The following ZMYM2 variants were observed in gnomAD, a reference collection of about 807,000 sequenced individuals.
ZMYM2 encodes the protein zinc finger MYM-type containing 2.
A neutral mutation model predicts 162.8 loss-of-function variants in ZMYM2; 56 were observed. The observed-to-expected ratio is 0.34, with a 90% CI of 0.28 to 0.43. ZMYM2 has a LOEUF of 0.43. Ranked by LOEUF, ZMYM2 falls within the 20% of genes least tolerant of loss-of-function variation. The probability of loss-of-function intolerance (pLI) is 1.00; values close to 1 mark genes in which losing one functional copy is unlikely to be tolerated. For synonymous variants in ZMYM2, 510 were observed against 541.6 expected, an observed-to-expected ratio of 0.94 and a Z score of 0.81; for missense variants, 1,275 against 1,621.8, an observed-to-expected ratio of 0.79 and a Z score of 3.67.
At chr13:20,004,915 CAT>C (rs1006153579) in intron 4 of ZMYM2, among the ~76,000 whole-genome samples, 157 bp from the exon 5 acceptor site, 26 of 152,232 alleles carry the variant, frequency 1.7e-4, no homozygotes, top group East Asian at 9.6e-4. Flanking sequence ...TATTTCCAAA[CAT>C]ATTTTATTAG....
intron 2 of ZMYM2, among the ~76,000 whole-genome samples, chr13:19,983,113 G>C (rs1030970261): frequency 6.7e-6 from 1 of 149,802 alleles, no homozygotes; most frequent in Non-Finnish European, 1.5e-5. Context: ...GTAAAGAATT[G>C]TATAATTTGT....
chr13:19,974,340 C>T (rs187990602), intron 2 of ZMYM2, among the ~76,000 whole-genome samples: 1 of 152,172 alleles, frequency 6.6e-6, no homozygotes, highest in East Asian at 1.9e-4. Flanking sequence ...GCATGTAAGT[C>T]CATTTAGAGT....
chr13:20,069,504 T>G (rs1956923014), intron 21 of ZMYM2, among the ~76,000 whole-genome samples: 2 of 152,000 alleles, frequency 1.3e-5, no homozygotes, highest in Non-Finnish European at 2.9e-5. Context: ...AACTTTTTAT[T>G]TTGTTGCTGA....
the ZMYM2 span, among the ~76,000 whole-genome samples, chr13:19,880,813 G>A: frequency 2.4e-4 from 37 of 152,222 alleles, no homozygotes; most frequent in Admixed American, 1.2e-3. Context: ...TTGACTTTTC[G>A]TCCGGCTTCT....
the ZMYM2 span, among the ~76,000 whole-genome samples, chr13:19,883,013 A>C: frequency 1.3e-5 from 2 of 152,216 alleles, no homozygotes; most frequent in African/African-American, 4.8e-5. Flanking sequence ...ATATCCATTA[A>C]TGGACGAAAG....
the ZMYM2 span, among the ~76,000 whole-genome samples, chr13:19,886,462 G>A: frequency 6.6e-6 from 1 of 151,454 alleles, no homozygotes; most frequent in African/African-American, 2.4e-5. Flanking sequence ...TGCGCCCAGC[G>A]AAAACGATTA....
chr13:19,910,757 AT>A, the ZMYM2 span, among the ~76,000 whole-genome samples: 1 of 152,154 alleles, frequency 6.6e-6, no homozygotes, highest in Non-Finnish European at 1.5e-5. Context: ...CTGCCACTAA[AT>A]TGGGAAACCT....
chr13:20,083,139 C>G, intron 23 of ZMYM2, 107 bp downstream of exon 23: 3 of 1,169,382 alleles, frequency 2.6e-6, no homozygotes, highest in Non-Finnish European at 2.4e-6. Flanking sequence ...CTCGGCTCAC[C>G]GCAACCTCTA....
intron 2 of ZMYM2, among the ~76,000 whole-genome samples, chr13:19,983,576 A>G (rs973930393): frequency 2.6e-5 from 4 of 152,006 alleles, no homozygotes; most frequent in African/African-American, 7.3e-5. Context: ...TGCTTTTAAT[A>G]ATTCTTTCTT....
chr13:19,898,311 C>A, the ZMYM2 span, among the ~76,000 whole-genome samples: 3 of 151,470 alleles, frequency 2.0e-5, no homozygotes, highest in Non-Finnish European at 2.9e-5. Context: ...TGGCTCACTG[C>A]AAGCTCTGCC....
chr13:19,946,946 A>G, the ZMYM2 span, among the ~76,000 whole-genome samples: 1 of 151,636 alleles, frequency 6.6e-6, no homozygotes, highest in Non-Finnish European at 1.5e-5. Flanking sequence ...CCTACCTGTT[A>G]TCAGTGTGCT....
chr13:20,031,441 TTGTATTTTGTAATG>T lies in ZMYM2; in HGVS notation c.1968+10_1968+23del. On this transcript the variant is annotated splice_region_variant and intron_variant, in intron 10 of 24. Transcript: ENST00000610343. ...CAGAAATCCTGGAATGGGAGGCAAGTTGTATTTTGTAATGTGTGTTATCTAATGCTAAAAAGAAA... is the reference window on the plus strand; with the variant it reads ...CAGAAATCCTGGAATGGGAGGCAAGTTGTGTTATCTAATGCTAAAAAGAAA... The T allele has an allele frequency of 1.3e-6, 2 of 1,571,836 alleles. No individual in the cohort carries two copies. Among genetic ancestry groups the T allele is most frequent in the Non-Finnish European group, 8.7e-7 (1 of 1,150,998 alleles).
chr13:19,885,986 T>C, the ZMYM2 span, among the ~76,000 whole-genome samples: 167 of 119,590 alleles, frequency 1.4e-3, 38 homozygotes, highest in East Asian at 0.015. Context: ...TATATGTATA[T>C]ACACATATAT....
chr13:19,934,812 G>A, the ZMYM2 span, among the ~76,000 whole-genome samples: 2 of 146,334 alleles, frequency 1.4e-5, no homozygotes, highest in Non-Finnish European at 3.0e-5. Flanking sequence ...TGTTGCCCAC[G>A]CTGGAGTCCA....
chr13:19,873,556 G>GT, the ZMYM2 span, among the ~76,000 whole-genome samples: 4 of 152,136 alleles, frequency 2.6e-5, no homozygotes, highest in Non-Finnish European at 5.9e-5. Flanking sequence ...TTACAGGCAT[G>GT]TGTCACCACG....
At chr13:20,024,609 A>T (rs1462849047) in intron 7 of ZMYM2, 1 of 224,370 alleles carries the variant, frequency 4.5e-6, no homozygotes, top group African/African-American at 2.2e-5. Context: ...CAAGTTTTAA[A>T]CATTTTATAT....
In ZMYM2 at chr13:20,082,774, A is replaced by ATT; in HGVS notation, c.3569-5_3569-4dup. 1 of 1,576,222 alleles carries ATT rather than the reference A, an allele frequency of 6.3e-7. No individual in the cohort carries two copies. The highest frequency in any genetic ancestry group is 1.2e-5 in the South Asian group (1 of 85,008). ...TAATTCTTTTAAAATAGTTCTCTCT[A>ATT]TTTAAGGGTCAATATTCTCTCGAGT... On this transcript the variant is annotated splice_region_variant and splice_polypyrimidine_tract_variant and intron_variant, in intron 22 of 24. Coordinates refer to ENST00000610343, the MANE Select transcript of ZMYM2 (RefSeq NM_197968.4).
the ZMYM2 span, among the ~76,000 whole-genome samples, chr13:19,894,338 T>C: frequency 1.3e-5 from 2 of 150,772 alleles, no homozygotes; most frequent in African/African-American, 4.9e-5. Context: ...AATAAAATAC[T>C]GGATATCTTG....
chr13:19,915,589 C>T, the ZMYM2 span, among the ~76,000 whole-genome samples: 13 of 151,886 alleles, frequency 8.6e-5, no homozygotes, highest in African/African-American at 2.9e-4. Context: ...AAGCAACATC[C>T]GCCCCCCGGG....
Sources: gnomAD v4.1 joint callset for allele counts (sites outside exome capture counted in the v4.1 genomes callset) on GRCh38, gnomAD v4.1.1 for gene constraint, MANE v1.5 for transcripts, NCBI Gene and HGNC (gene_info 2026-07-23, HGNC 2026-07-21) for gene names.